The following ME3 variants were observed in gnomAD, a reference collection of about 807,000 sequenced individuals.
ME3 encodes malic enzyme 3.
ME3 carries 48 observed loss-of-function variants against 68.9 expected under a neutral mutation model. The observed-to-expected ratio is 0.70, with a 90% confidence interval of 0.55 to 0.89. The LOEUF (loss-of-function observed/expected upper bound fraction) is 0.89. Ranked by LOEUF, ME3 falls within the 40% of genes least tolerant of loss-of-function variation. ME3 has a pLI of 0.00. For missense variants in ME3, 675 were observed against 797.4 expected, an observed-to-expected ratio of 0.85 and a Z score of 1.85; for synonymous variants, 320 against 318.8, an observed-to-expected ratio of 1.00 and a Z score of -0.04.
chr11:86,613,292 A>G (rs1339297836), intron 2 of ME3, among the ~76,000 whole-genome samples: 1 of 152,084 alleles, frequency 6.6e-6, no homozygotes, highest in African/African-American at 2.4e-5. Context: ...AAAACTCTCA[A>G]TAAACTAGGT....
chr11:86,613,889 C>T (rs769634743), intron 2 of ME3, among the ~76,000 whole-genome samples: 1 of 152,144 alleles, frequency 6.6e-6, no homozygotes, highest in African/African-American at 2.4e-5. Context: ...AATGGTCATA[C>T]TGCCTAAAGT....
intron 2 of ME3, among the ~76,000 whole-genome samples, chr11:86,657,610 C>G (rs1006303478): frequency 3.3e-5 from 5 of 151,962 alleles, no homozygotes; most frequent in African/African-American, 1.2e-4. Flanking sequence ...CCCAGAACTT[C>G]AGTATAATAA....
chr11:86,658,005 C>T lies in ME3; in HGVS notation c.183+13757G>A, dbSNP rs536933089. Among the ~76,000 whole-genome samples, 5 of 152,202 alleles carry T rather than the reference C, an allele frequency of 3.3e-5. No homozygotes were observed. The South Asian group carries it at 8.3e-4, about 25-fold the overall frequency. ...GAATAGCTCTTCTTAGGTTGGCAAC[C>T]CTCAGCATCTTAGGGGTACCATGAA... is the stretch of plus-strand genomic sequence containing the variant. On this transcript the variant is annotated intron_variant, in intron 2 of 14. Transcript: ENST00000543262.
At chr11:86,470,307 A>T (rs1259857951) in intron 7 of ME3, among the ~76,000 whole-genome samples, 1 of 151,940 alleles carries the variant, frequency 6.6e-6, no homozygotes, top group Non-Finnish European at 1.5e-5. Flanking sequence ...TCCCCCCAGA[A>T]AAAAACCCAC....
intron 2 of ME3, among the ~76,000 whole-genome samples, chr11:86,603,255 A>G (rs1388187541): frequency 2.0e-5 from 3 of 150,350 alleles, no homozygotes; most frequent in Non-Finnish European, 4.5e-5. Flanking sequence ...TTTACAAGAA[A>G]AAAACAAACA....
intron 4 of ME3, among the ~76,000 whole-genome samples, chr11:86,516,852 C>G (rs1022545877): frequency 2.6e-5 from 4 of 152,152 alleles, no homozygotes; most frequent in East Asian, 1.9e-4. Context: ...CACAGGTTCT[C>G]TCTTAGCTAG....
At chr11:86,499,854 C>T (rs1952604203) in intron 5 of ME3, among the ~76,000 whole-genome samples, 1 of 152,182 alleles carries the variant, frequency 6.6e-6, no homozygotes, top group African/African-American at 2.4e-5. Flanking sequence ...AAGCTCAAGA[C>T]CTTTATTTTC....
At chr11:86,443,047 A>G in intron 13 of ME3, 128 bp from the exon 14 acceptor site, 1 of 642,706 alleles carries the variant, frequency 1.6e-6, no homozygotes, top group Non-Finnish European at 2.7e-6. Context: ...CCAACTGTTG[A>G]CTCTGTTACC....
At chr11:86,654,394 C>G (rs1359790566) in intron 2 of ME3, among the ~76,000 whole-genome samples, 3 of 152,176 alleles carry the variant, frequency 2.0e-5, no homozygotes, top group African/African-American at 7.2e-5. Context: ...AAAGCTTATC[C>G]ACCATGATCA....
intron 7 of ME3, among the ~76,000 whole-genome samples, chr11:86,476,873 A>G (rs532939887): frequency 6.6e-6 from 1 of 152,200 alleles, no homozygotes; most frequent in Non-Finnish European, 1.5e-5. Context: ...GAAGAGAGGA[A>G]AAGTAATATT....
chr11:86,442,577 G>A (rs1593968522), intron 14 of ME3, among the ~76,000 whole-genome samples: 1 of 152,076 alleles, frequency 6.6e-6, no homozygotes, highest in African/African-American at 2.4e-5. Context: ...AGACATTGAT[G>A]ACCTTTCTGC....
intron 7 of ME3, 106 bp from the exon 8 acceptor site, chr11:86,465,306 A>G: frequency 2.5e-6 from 2 of 803,336 alleles, no homozygotes; most frequent in Non-Finnish European, 4.4e-6. Flanking sequence ...TGGGGGTGGG[A>G]GGTGGCATGG....
At chr11:86,447,183 A>T (rs1208861331) in exon 12 of ME3, 2 of 1,614,124 alleles carry the variant, frequency 1.2e-6, no homozygotes, top group Non-Finnish European at 1.7e-6. Context: ...CTGCTCCGTG[A>T]AGGCTCCTGC....
intron 5 of ME3, among the ~76,000 whole-genome samples, chr11:86,500,381 C>T (rs1952641750): frequency 6.6e-6 from 1 of 152,240 alleles, no homozygotes; most frequent in Admixed American, 6.5e-5. Context: ...CTACTGCATG[C>T]CCAGCTCCTC....
intron 2 of ME3, among the ~76,000 whole-genome samples, chr11:86,597,597 C>A (rs576416580): frequency 6.6e-6 from 1 of 152,332 alleles, no homozygotes; most frequent in South Asian, 2.1e-4. Context: ...CACAGCATGA[C>A]TTTTTACCTG....
chr11:86,526,616 C>T (rs1184070483), intron 4 of ME3, among the ~76,000 whole-genome samples: 1 of 152,196 alleles, frequency 6.6e-6, no homozygotes, highest in African/African-American at 2.4e-5. Flanking sequence ...GAGGCAACAT[C>T]CAGTAGGGGC....
intron 2 of ME3, among the ~76,000 whole-genome samples, chr11:86,653,495 A>G (rs1055132421): frequency 1.3e-5 from 2 of 152,226 alleles, no homozygotes; most frequent in African/African-American, 4.8e-5. Context: ...CTGAATGACT[A>G]CTGGGTACAT....
intron 2 of ME3, among the ~76,000 whole-genome samples, chr11:86,653,381 T>A (rs1167068242): frequency 6.6e-6 from 1 of 152,086 alleles, no homozygotes; most frequent in Admixed American, 6.5e-5. Flanking sequence ...AGACAAAAAA[T>A]TATAACAAAC....
At chr11:86,603,217 T>C (rs1238493547) in intron 2 of ME3, among the ~76,000 whole-genome samples, 1 of 151,720 alleles carries the variant, frequency 6.6e-6, no homozygotes, top group Non-Finnish European at 1.5e-5. Flanking sequence ...AGGGCTAATA[T>C]CCAGAATCTA....
Sources: gnomAD v4.1 joint callset for allele counts (sites outside exome capture counted in the v4.1 genomes callset) on GRCh38, gnomAD v4.1.1 for gene constraint, MANE v1.5 for transcripts, NCBI Gene and HGNC (gene_info 2026-07-23, HGNC 2026-07-21) for gene names.